The following BEND4 variants were observed in gnomAD, a reference collection of about 807,000 sequenced individuals.
BEND4 encodes BEN domain containing 4.
A neutral mutation model predicts 54.7 loss-of-function variants in BEND4; 27 were observed. The observed-to-expected ratio is 0.49, with a 90% confidence interval of 0.36 to 0.68. The LOEUF is 0.68. Among genes scored for constraint, BEND4 ranks in the 30% least tolerant of loss-of-function variants. BEND4 has a pLI of 0.00. For synonymous variants in BEND4, 327 were observed against 299.5 expected, an observed-to-expected ratio of 1.09 and a Z score of -0.95; for missense variants, 702 against 697.2, an observed-to-expected ratio of 1.01 and a Z score of -0.08.
intron 2 of BEND4, among the ~76,000 whole-genome samples, chr4:42,150,487 A>T (rs1335710020): frequency 6.6e-6 from 1 of 152,244 alleles, no homozygotes; most frequent in Non-Finnish European, 1.5e-5. Context: ...TTATTACTGG[A>T]GGCATCTATA....
chr4:42,120,763 C>G (rs1720025147), intron 4 of BEND4, among the ~76,000 whole-genome samples: 1 of 151,988 alleles, frequency 6.6e-6, no homozygotes, highest in Admixed American at 6.5e-5. Flanking sequence ...GCACCCAACA[C>G]CTGGTAGTCA....
intron 3 of BEND4, among the ~76,000 whole-genome samples, chr4:42,138,715 A>C (rs963516904): frequency 6.6e-6 from 1 of 152,210 alleles, no homozygotes; most frequent in African/African-American, 2.4e-5. Context: ...AGTTTATTTA[A>C]AATATCAACA....
chr4:42,151,597 G>A, intron 2 of BEND4, 60 bp downstream of exon 2: 4 of 1,408,230 alleles, frequency 2.8e-6, no homozygotes, highest in East Asian at 3.0e-5. Context: ...TCTCCTTCCT[G>A]GGTCCCCTCC....
intron 2 of BEND4, among the ~76,000 whole-genome samples, chr4:42,144,658 G>T (rs1446650156): frequency 6.6e-6 from 1 of 152,176 alleles, no homozygotes; most frequent in Non-Finnish European, 1.5e-5. Flanking sequence ...CCAATGTTTA[G>T]GCTGACGTGT....
intron 3 of BEND4, among the ~76,000 whole-genome samples, chr4:42,126,690 G>A (rs1429794320): frequency 2.0e-5 from 3 of 152,116 alleles, no homozygotes; most frequent in Non-Finnish European, 2.9e-5. Context: ...AGTCCTTTCA[G>A]GAGTAGTAAC....
Position 42,112,030 on chromosome 4 carries a change from C to T in BEND4, c.*5488G>A, listed in dbSNP as rs975873409. The T allele has an allele frequency of 2.0e-5, 3 of 152,196 alleles. No individual in the cohort carries two copies. The South Asian group carries it at 6.2e-4, about 32-fold the overall frequency. 9.4% of individuals were successfully genotyped at this position (152,196 alleles called of 1,614,324 possible). A position where few individuals can be genotyped will look rare whatever the true frequency, so the allele number is the denominator to read the frequency against. ...GGTTTGTATGTTCCTACCTAAGCAT[C>T]GACATACTTTAGTAGTTTTTAGCAA... is the stretch of plus-strand genomic sequence containing the variant. On this transcript the variant is annotated 3_prime_UTR_variant, in exon 6 of 6. Coordinates refer to ENST00000502486, the MANE Select transcript of BEND4 (RefSeq NM_207406.4).
In BEND4 at chr4:42,152,089, T is replaced by C; in HGVS notation, c.55A>G (p.Lys19Glu). 1 of 1,249,108 alleles carries C rather than the reference T, an allele frequency of 8.0e-7. No homozygotes were observed. Among genetic ancestry groups the C allele is most frequent in the Non-Finnish European group, 1.0e-6 (1 of 988,338 alleles). 77.4% of individuals were successfully genotyped at this position (1,249,108 alleles called of 1,614,324 possible). A position where few individuals can be genotyped will look rare whatever the true frequency, so the allele number is the denominator to read the frequency against. The change falls in exon 2 of 6, where the codon AAG (lysine) becomes GAG (glutamate). Residue 19 changes from lysine (K) to glutamate (E), a missense_variant. Transcript: ENST00000502486. ...AGGACGCTGTAGGGGCTGCGCTGCTTGTAGATTTTGGGGACGCTGGGCCCC... is the reference window on the plus strand; with the variant it reads ...AGGACGCTGTAGGGGCTGCGCTGCTCGTAGATTTTGGGGACGCTGGGCCCC... ...EEGPSVPKIY[K>E]QRSPYSVLKT...
At chr4:42,141,920 T>C (rs972185314) in intron 3 of BEND4, among the ~76,000 whole-genome samples, 9 of 152,076 alleles carry the variant, frequency 5.9e-5, no homozygotes, top group Non-Finnish European at 1.0e-4. Flanking sequence ...CATTTTTTTT[T>C]TTGAGACCCA....
intron 2 of BEND4, among the ~76,000 whole-genome samples, chr4:42,144,535 CAA>C (rs1721011404): frequency 6.6e-6 from 1 of 152,198 alleles, no homozygotes; most frequent in Non-Finnish European, 1.5e-5. Flanking sequence ...TAAGGTAAAA[CAA>C]AGAGTAGGCC....
intron 2 of BEND4, among the ~76,000 whole-genome samples, chr4:42,150,799 G>A (rs1300542441): frequency 6.6e-6 from 1 of 152,214 alleles, no homozygotes; most frequent in Non-Finnish European, 1.5e-5. Flanking sequence ...GCGGACCCCA[G>A]AGTGGGTGCC....
intron 3 of BEND4, among the ~76,000 whole-genome samples, chr4:42,133,575 C>T (rs1050846060): frequency 2.6e-5 from 4 of 152,188 alleles, no homozygotes; most frequent in Non-Finnish European, 4.4e-5. Flanking sequence ...GGAAAATGGG[C>T]GAGGCGCCGT....
intron 3 of BEND4, among the ~76,000 whole-genome samples, chr4:42,126,784 G>C (rs1720302496): frequency 6.6e-6 from 1 of 152,178 alleles, no homozygotes; most frequent in Non-Finnish European, 1.5e-5. Flanking sequence ...CAAAAGGCGG[G>C]AGAATAGCTT....
At chr4:42,131,065 G>A (rs968220115) in intron 3 of BEND4, among the ~76,000 whole-genome samples, 1 of 152,122 alleles carries the variant, frequency 6.6e-6, no homozygotes, top group Non-Finnish European at 1.5e-5. Context: ...GGGGCCTATT[G>A]GGGAGGGGGG....
intron 3 of BEND4, among the ~76,000 whole-genome samples, chr4:42,129,377 T>C (rs1435256614): frequency 6.6e-6 from 1 of 152,158 alleles, no homozygotes; most frequent in East Asian, 1.9e-4. Context: ...TTCAATACTA[T>C]TCCCATTAAC....
At chr4:42,131,750 G>A (rs1430281462) in intron 3 of BEND4, among the ~76,000 whole-genome samples, 1 of 151,952 alleles carries the variant, frequency 6.6e-6, no homozygotes, top group African/African-American at 2.4e-5. Flanking sequence ...ACAGGCTAAG[G>A]ACCAGTAAGA....
rs572899497 is a variant in BEND4 at position 42,110,996 on chromosome 4, T to G, written c.*6522A>C. 1 of 152,332 alleles carries G rather than the reference T, an allele frequency of 6.6e-6. No homozygotes were observed. Among genetic ancestry groups the G allele is most frequent in the East Asian group, 1.9e-4 (1 of 5,190 alleles). 9.4% of individuals were successfully genotyped at this position (152,332 alleles called of 1,614,324 possible). ...ATCCCCAACAGAACACGTGGCATTC[T>G]AGAGGTATATGAGGTAATAAAATCA... On this transcript the variant is annotated 3_prime_UTR_variant, in exon 6 of 6. Coordinates refer to ENST00000502486, the MANE Select transcript of BEND4 (RefSeq NM_207406.4).
chr4:42,120,991 C>T (rs1000382220), intron 4 of BEND4, among the ~76,000 whole-genome samples: 10 of 152,168 alleles, frequency 6.6e-5, no homozygotes, highest in African/African-American at 1.9e-4. Context: ...GGACTAATTA[C>T]GGGAATTTCC....
At position 42,116,222 on chromosome 4, in the gene BEND4, A is replaced by G. The variant is rs1719825617; in HGVS notation, c.*1296T>C. 6.6e-6 allele frequency: 1 copy of G among 152,232 alleles called. No individual in the cohort carries two copies. Among genetic ancestry groups the G allele is most frequent in the Non-Finnish European group, 1.5e-5 (1 of 68,028 alleles). The allele number at this position is 152,232 out of a possible 1,614,324, so 9.4% of individuals were successfully genotyped here. A position where few individuals can be genotyped will look rare whatever the true frequency, so the allele number is the denominator to read the frequency against. ...AGCCTTCAATAAACGCTGTCCATTT[A>G]GCCCTTTGCTCTACAAAGAATGTAG... is the stretch of plus-strand genomic sequence containing the variant. On this transcript the variant is annotated 3_prime_UTR_variant, in exon 6 of 6. Transcript: ENST00000502486.
At chr4:42,151,393 G>A in intron 2 of BEND4, 1 of 294,388 alleles carries the variant, frequency 3.4e-6, no homozygotes, top group Middle Eastern at 9.5e-4. Flanking sequence ...GATCCTGGTC[G>A]CCGACTGCCA....
Sources: gnomAD v4.1 joint callset for allele counts (sites outside exome capture counted in the v4.1 genomes callset) on GRCh38, gnomAD v4.1.1 for gene constraint, MANE v1.5 for transcripts, NCBI Gene and HGNC (gene_info 2026-07-23, HGNC 2026-07-21) for gene names.